ADAMTS3: variants seen among roughly 807,000 people sequenced by gnomAD.
ADAMTS3 encodes the protein A disintegrin and metalloproteinase with thrombospondin motifs 3.
A neutral mutation model predicts 129.0 loss-of-function variants in ADAMTS3; 73 were observed. The ratio of observed to expected loss-of-function variants is 0.57; its 90% CI spans 0.47 to 0.69. ADAMTS3 has a LOEUF of 0.69. Ranked by LOEUF, ADAMTS3 falls within the 30% of genes least tolerant of loss-of-function variation. The pLI, the probability that ADAMTS3 is intolerant of heterozygous loss-of-function variation, is 0.00. For missense variants in ADAMTS3, 1,457 were observed against 1,514.5 expected (o/e 0.96, Z 0.63); for synonymous variants, 477 against 510.8 (o/e 0.93, Z 0.89).
chr4:72,327,621 G>A lies in ADAMTS3; in HGVS notation c.862-4524C>T, dbSNP rs77443688. ...ACTTGCCCAAGTACAATTAGTACAC[G>A]AGCAAGGGATGAAAATTAGCAGTCT... On this transcript the variant is annotated intron_variant, in intron 5 of 21. Transcript: ENST00000286657. Among the ~76,000 whole-genome samples, 33 of 152,232 alleles carry A rather than the reference G, an allele frequency of 2.2e-4. No homozygotes were observed. The East Asian group carries it at 5.8e-3, about 27-fold the overall frequency.
intron 3 of ADAMTS3, among the ~76,000 whole-genome samples, chr4:72,453,269 A>C (rs1718456852): frequency 6.6e-6 from 1 of 151,868 alleles, no homozygotes; most frequent in South Asian, 2.1e-4. Context: ...TATGGCTGGT[A>C]GTAGTAGAAA....
intron 3 of ADAMTS3, among the ~76,000 whole-genome samples, chr4:72,532,406 A>G (rs2109765710): frequency 6.6e-6 from 1 of 152,222 alleles, no homozygotes; most frequent in South Asian, 2.1e-4. Context: ...TAGAGCTGGC[A>G]CAACACTCCT....
chr4:72,535,423 T>C (rs1397650048), intron 3 of ADAMTS3, among the ~76,000 whole-genome samples: 1 of 152,120 alleles, frequency 6.6e-6, no homozygotes, highest in African/African-American at 2.4e-5. Flanking sequence ...TCCCATTAGG[T>C]TAATGAGACA....
intron 13 of ADAMTS3, 119 bp from the exon 14 acceptor site, chr4:72,311,300 C>A: frequency 1.1e-6 from 1 of 902,616 alleles, no homozygotes; most frequent in South Asian, 2.5e-5. Flanking sequence ...AAAAGGAATA[C>A]CGTATAAACA....
At chr4:72,353,982 T>C (rs1247882477) in intron 4 of ADAMTS3, among the ~76,000 whole-genome samples, 1 of 151,950 alleles carries the variant, frequency 6.6e-6, no homozygotes. Context: ...TACCTTACTG[T>C]TCCATATAAC....
intron 4 of ADAMTS3, among the ~76,000 whole-genome samples, chr4:72,392,962 G>A (rs1440293585): frequency 1.4e-5 from 2 of 141,282 alleles, no homozygotes; most frequent in East Asian, 4.1e-4. Flanking sequence ...GTCTCACCCT[G>A]TCGCCCAGGC....
At chr4:72,351,567 A>T (rs1343341715) in intron 4 of ADAMTS3, among the ~76,000 whole-genome samples, 1 of 151,820 alleles carries the variant, frequency 6.6e-6, no homozygotes, top group Non-Finnish European at 1.5e-5. Context: ...AAAAAAAAAA[A>T]AAATCACCTT....
chr4:72,285,067 C>T (rs1245926291), intron 21 of ADAMTS3, among the ~76,000 whole-genome samples: 1 of 152,120 alleles, frequency 6.6e-6, no homozygotes, highest in Non-Finnish European at 1.5e-5. Context: ...TTGGGTAATA[C>T]TATACTGCTA....
At chr4:72,340,246 T>C (rs1352356194) in intron 4 of ADAMTS3, among the ~76,000 whole-genome samples, 4 of 152,090 alleles carry the variant, frequency 2.6e-5, no homozygotes, top group African/African-American at 9.7e-5. Context: ...CTTTATTTCT[T>C]CTGAGTAAAG....
At chr4:72,565,600 C>T (rs2886637) in intron 2 of ADAMTS3, among the ~76,000 whole-genome samples, 146,264 of 152,164 alleles carry the variant, frequency 0.96, 70,567 homozygotes, top group East Asian at 1. Flanking sequence ...AACTGGAAAA[C>T]GATAAATAAG....
intron 3 of ADAMTS3, among the ~76,000 whole-genome samples, chr4:72,424,103 T>A (rs1367942063): frequency 1.3e-5 from 2 of 152,220 alleles, no homozygotes; most frequent in African/African-American, 4.8e-5. Flanking sequence ...TACCCAAATA[T>A]AAACCTGATT....
chr4:72,343,078 A>C (rs1314300913), intron 4 of ADAMTS3, among the ~76,000 whole-genome samples: 1 of 152,190 alleles, frequency 6.6e-6, no homozygotes, highest in African/African-American at 2.4e-5. Context: ...GGCTGGAGGT[A>C]GTAATGTCTG....
chr4:72,526,728 A>G (rs1720819264), intron 3 of ADAMTS3, among the ~76,000 whole-genome samples: 1 of 64,874 alleles, frequency 1.5e-5, no homozygotes, highest in South Asian at 7.3e-4. Flanking sequence ...AAAAATATAT[A>G]CATACATATA....
At chr4:72,450,875 C>T (rs3907271) in intron 3 of ADAMTS3, among the ~76,000 whole-genome samples, 99,848 of 149,678 alleles carry the variant, frequency 0.67, 33,454 homozygotes, top group South Asian at 0.8. Flanking sequence ...ACCCCCAAAA[C>T]AGGAATAAAT....
chr4:72,502,242 C>T (rs1270666828), intron 3 of ADAMTS3, among the ~76,000 whole-genome samples: 2 of 152,034 alleles, frequency 1.3e-5, no homozygotes, highest in Non-Finnish European at 2.9e-5. Context: ...TCCATCTGGT[C>T]TGGGGCTTCT....
Position 72,463,772 on chromosome 4 carries a change from CTTCT to C in ADAMTS3, c.505-48805_505-48802del, listed in dbSNP as rs533194864. ...TTCCTCTTCCACAACTTCACATCTA[CTTCT>C]TTCTTTATTTTTTAACTTGTCCAGT... On this transcript the variant is annotated intron_variant, in intron 3 of 21. Coordinates refer to ENST00000286657, the MANE Select transcript of ADAMTS3 (RefSeq NM_014243.3). Among the ~76,000 whole-genome samples, 311 of 149,842 alleles carry C rather than the reference CTTCT, an allele frequency of 2.1e-3. 1 individual carries two copies. The highest frequency in any genetic ancestry group is 4.0e-3 in the Non-Finnish European group (267 of 67,582).
chr4:72,452,517 G>A (rs1404481574), intron 3 of ADAMTS3, among the ~76,000 whole-genome samples: 1 of 151,672 alleles, frequency 6.6e-6, no homozygotes, highest in Non-Finnish European at 1.5e-5. Context: ...TTGTCTGGTT[G>A]GGAGCAGTTG....
At position 72,480,008 on chromosome 4, in the gene ADAMTS3, C is replaced by G. The variant is rs1390865280; in HGVS notation, c.505-65037G>C. On this transcript the variant is annotated intron_variant, in intron 3 of 21. Transcript: ENST00000286657. The stretch of plus-strand genomic sequence containing the variant: ...AACCACAATGAGATACCATCTCACA[C>G]CAGTTAGAATGGCAATCATTAAAAA... 3.3e-5 allele frequency among the ~76,000 whole-genome samples: 5 copies of G among 152,222 alleles called. No homozygotes were observed. In the East Asian group the frequency reaches 5.8e-4, roughly 18 times the overall value.
At chr4:72,470,320 C>T (rs1297921547) in intron 3 of ADAMTS3, among the ~76,000 whole-genome samples, 2 of 143,388 alleles carry the variant, frequency 1.4e-5, no homozygotes, top group African/African-American at 2.6e-5. Flanking sequence ...TCTGGAATAC[C>T]ATGAGGATTA....
Sources: allele counts gnomAD v4.1 joint callset (sites outside exome capture counted in the v4.1 genomes callset), GRCh38; gene constraint gnomAD v4.1.1; transcripts MANE v1.5; gene names NCBI Gene and HGNC (gene_info 2026-07-23, HGNC 2026-07-21).